The following FSD1 variants were observed in gnomAD, a reference collection of about 807,000 sequenced individuals.
FSD1 encodes fibronectin type III and SPRY domain-containing protein 1.
In FSD1, 23 loss-of-function variants were observed where a neutral mutation model predicts 58.2. The observed-to-expected ratio is 0.40, with a 90% CI of 0.28 to 0.56. The LOEUF is 0.56. Ranked by LOEUF, FSD1 falls within the 20% of genes least tolerant of loss-of-function variation. The probability of loss-of-function intolerance (pLI) is 0.54; values close to 1 mark genes in which losing one functional copy is unlikely to be tolerated. For synonymous variants in FSD1, 265 were observed against 263.4 expected (o/e 1.01, Z -0.06); for missense variants, 563 against 670.8 (o/e 0.84, Z 1.78).
At chr19:4,309,869 A>T (rs1237682687) in intron 4 of FSD1, among the ~76,000 whole-genome samples, 4 of 149,920 alleles carry the variant, frequency 2.7e-5, no homozygotes, top group Non-Finnish European at 5.9e-5. Flanking sequence ...AGATCGTGCC[A>T]CTGCACTCCA....
At chr19:4,311,543 C>T (rs1209358878) in intron 6 of FSD1, 2 of 325,574 alleles carry the variant, frequency 6.1e-6, no homozygotes, top group Non-Finnish European at 1.2e-5. Flanking sequence ...ATTAGCCGGG[C>T]CATGGTGGCT....
intron 4 of FSD1, among the ~76,000 whole-genome samples, chr19:4,308,684 T>C (rs1599533886): frequency 6.6e-6 from 1 of 152,126 alleles, no homozygotes; most frequent in East Asian, 1.9e-4. Context: ...AAACCCCGTC[T>C]CTACTAAAAA....
At position 4,304,611 on chromosome 19, in the gene FSD1, T is replaced by C; in HGVS notation, c.-136T>C. 1 of 449,602 alleles carries C rather than the reference T, an allele frequency of 2.2e-6. No homozygotes were observed. The highest frequency in any genetic ancestry group is 3.8e-5 in the East Asian group (1 of 26,174). 27.9% of individuals were successfully genotyped at this position (449,602 alleles called of 1,614,324 possible). On this transcript the variant is annotated 5_prime_UTR_variant, in exon 1 of 13. Transcript: ENST00000221856. ...GGGTGCGCCTGCGCAATGCGCGCGG[T>C]GATGGAGCGCTAACCGGGGGCGCGG...
rs544924208 is a variant in FSD1, at chr19:4,307,294, G to A, written c.244-588G>A. On this transcript the variant is annotated intron_variant, in intron 3 of 12. Transcript: ENST00000221856. ...TAGTCTTGAACTCATGGGCTCAAGCGATCCTCCTGCCTTGGCCTCCCAAAT... is the reference window on the plus strand; with the variant it reads ...TAGTCTTGAACTCATGGGCTCAAGCAATCCTCCTGCCTTGGCCTCCCAAAT... Among the ~76,000 whole-genome samples the A allele has an allele frequency of 4.7e-4, 72 of 152,186 alleles. 3 individuals are homozygous for A. The South Asian group carries it at 0.014, about 30-fold the overall frequency.
chr19:4,310,110 C>T (rs1325618985), intron 4 of FSD1, among the ~76,000 whole-genome samples, 163 bp from the exon 5 acceptor site: 1 of 151,898 alleles, frequency 6.6e-6, no homozygotes, highest in African/African-American at 2.4e-5. Flanking sequence ...TGCTTGTAAT[C>T]CCAGCTACTC....
At chr19:4,304,835 GC>G in intron 1 of FSD1, 74 bp downstream of exon 1, 1 of 494,948 alleles carries the variant, frequency 2.0e-6, no homozygotes, top group Non-Finnish European at 3.0e-6. Context: ...TTGCCGCAGC[GC>G]CCCCACTCCC....
In FSD1 at chr19:4,304,763, TAGGACGGGGTGGGGC is replaced by T; in HGVS notation, c.15+6_15+20del. ...GCTGCAGCCATGGAAGAACAGAGGG[TAGGACGGGGTGGGGC>T]AGGGCGGGCCCGCAGGGGCGTCGGG... On this transcript the variant is annotated splice_donor_5th_base_variant and intron_variant, in intron 1 of 12. Coordinates refer to ENST00000221856, the MANE Select transcript of FSD1 (RefSeq NM_024333.3). The T allele has an allele frequency of 1.1e-6, 1 of 890,482 alleles. No individual in the cohort carries two copies. Among genetic ancestry groups the T allele is most frequent in the Non-Finnish European group, 1.4e-6 (1 of 733,110 alleles). 55.2% of individuals were successfully genotyped at this position (890,482 alleles called of 1,614,324 possible). A position where few individuals can be genotyped will look rare whatever the true frequency, so the allele number is the denominator to read the frequency against.
At chr19:4,308,021 G>A in intron 4 of FSD1, 38 bp downstream of exon 4, 1 of 1,493,784 alleles carries the variant, frequency 6.7e-7, no homozygotes, top group Non-Finnish European at 9.3e-7. Context: ...AGAACAGTGT[G>A]CCCAGTCACG....
At position 4,306,190 on chromosome 19, in the gene FSD1, C is replaced by G; in HGVS notation, c.112-8C>G. The G allele has an allele frequency of 6.2e-7, 1 of 1,613,808 alleles. No homozygotes were observed. The highest frequency in any genetic ancestry group is 8.5e-7 in the Non-Finnish European group (1 of 1,179,838). On this transcript the variant is annotated splice_region_variant and splice_polypyrimidine_tract_variant and intron_variant, in intron 2 of 12. Coordinates refer to ENST00000221856, the MANE Select transcript of FSD1 (RefSeq NM_024333.3). ...GGGCTTTGGCCGATTCTGGCTGTTC[C>G]GACCCAGGCGAACTCGGCGAAGGTG...
chr19:4,304,840 C>CCA, intron 1 of FSD1, 79 bp downstream of exon 1: 3 of 486,594 alleles, frequency 6.2e-6, no homozygotes, highest in African/African-American at 2.1e-5. Flanking sequence ...GCAGCGCCCC[C>CCA]ACTCCCTCCC....
chr19:4,312,170 A>G (rs2144760709), intron 7 of FSD1, 119 bp downstream of exon 7: 1 of 913,150 alleles, frequency 1.1e-6, no homozygotes, highest in Non-Finnish European at 1.7e-6. Flanking sequence ...GGGGTCTGGA[A>G]GCAGCCTGGG....
chr19:4,316,247 A>G (rs961553804), intron 7 of FSD1, among the ~76,000 whole-genome samples: 1 of 151,830 alleles, frequency 6.6e-6, no homozygotes, highest in African/African-American at 2.4e-5. Context: ...AGGGGGTCAG[A>G]GTTTCGCTCT....
rs1712059765 is a variant in FSD1 at position 4,323,053 on chromosome 19, C to CGGCGTG, written c.1115_1120dup (p.Gly372_Val373dup). 1.9e-6 allele frequency: 3 copies of CGGCGTG among 1,611,788 alleles called. No homozygotes were observed. Among genetic ancestry groups the CGGCGTG allele is most frequent in the Non-Finnish European group, 2.5e-6 (3 of 1,179,598 alleles). ...GCTACGAGCCGGACAGCAAGGCGTT[C>CGGCGTG]GGCGTGGGCGTGGCCTACCGCAGCC... On this transcript the variant is annotated inframe_insertion, in exon 11 of 13. Transcript: ENST00000221856. This position sits in a 1 kb window ranked among gnomAD's most constrained non-coding sequence, Gnocchi z 7.7.
chr19:4,317,348 C>G (rs1025761500), intron 8 of FSD1, 68 bp downstream of exon 8: 7 of 977,252 alleles, frequency 7.2e-6, no homozygotes, highest in Non-Finnish European at 1.1e-5. Context: ...CCCCAGAGAC[C>G]ATGAGAATCC....
intron 7 of FSD1, among the ~76,000 whole-genome samples, chr19:4,316,463 T>G (rs1345612249): frequency 6.6e-6 from 1 of 151,856 alleles, no homozygotes; most frequent in Non-Finnish European, 1.5e-5. Context: ...TCAAGTGATC[T>G]GCCCACTTCG....
At chr19:4,320,825 G>A (rs1971805930) in intron 10 of FSD1, among the ~76,000 whole-genome samples, 1 of 150,342 alleles carries the variant, frequency 6.7e-6, no homozygotes, top group Admixed American at 6.6e-5. Flanking sequence ...GGAGTATCTG[G>A]GGGAAATAGC....
Position 4,306,010 on chromosome 19 carries a change from A to G in FSD1, c.80A>G (p.Tyr27Cys), listed in dbSNP as rs1016229141. The change falls in exon 2 of 13, where the codon TAC becomes TGC. Residue 27 changes from tyrosine (Y) to cysteine (C), a missense_variant. Coordinates refer to ENST00000221856, the MANE Select transcript of FSD1 (RefSeq NM_024333.3). ...AATGAAGAAATTCAGAGCTTTATCT[A>G]CTCCCTGAAACAGATGCTGCTGAAC... ...VKNEEIQSFIYSLKQMLLNVE... is the reference protein window; with the variant it reads ...VKNEEIQSFICSLKQMLLNVE... The G allele has an allele frequency of 8.7e-6, 14 of 1,613,042 alleles. No individual in the cohort carries two copies. The highest frequency in any genetic ancestry group is 1.0e-5 in the Non-Finnish European group (12 of 1,179,836).
At chr19:4,313,986 C>T (rs1180532008) in intron 7 of FSD1, among the ~76,000 whole-genome samples, 2 of 151,766 alleles carry the variant, frequency 1.3e-5, no homozygotes, top group African/African-American at 4.8e-5. Context: ...AGAGATCGCG[C>T]CACTGCACTC....
intron 8 of FSD1, among the ~76,000 whole-genome samples, chr19:4,318,058 G>A (rs564971473): frequency 6.6e-6 from 1 of 151,954 alleles, no homozygotes; most frequent in African/African-American, 2.4e-5. Flanking sequence ...GTGGGAGGGA[G>A]ACTTTTAGGC....
Sources: gnomAD v4.1 joint callset for allele counts (sites outside exome capture counted in the v4.1 genomes callset) on GRCh38, gnomAD v4.1.1 for gene constraint, Gnocchi (gnomAD v3.1) non-coding constraint, MANE v1.5 for transcripts, NCBI Gene and HGNC (gene_info 2026-07-23, HGNC 2026-07-21) for gene names.